Variants in SCG5 observed in about 807,000 individuals in gnomAD.
The protein encoded by SCG5 is neuroendocrine protein 7B2.
A neutral mutation model predicts 25.7 loss-of-function variants in SCG5; 18 were observed. The observed-to-expected ratio is 0.70, with a 90% confidence interval of 0.48 to 1.04. SCG5 has a LOEUF of 1.04. Among genes scored for constraint, SCG5 ranks in the 50% least tolerant of loss-of-function variants. SCG5 has a pLI of 0.00. For missense variants in SCG5, 206 were observed against 259.8 expected (o/e 0.79, Z 1.42); for synonymous variants, 101 against 91.7 (o/e 1.10, Z -0.58).
At position 32,641,765 on chromosome 15, in the gene SCG5, C is replaced by G. The variant is rs2053862819; in HGVS notation, c.-21C>G. The G allele has an allele frequency of 6.6e-6, 1 of 152,284 alleles. No individual in the cohort carries two copies. The highest frequency in any genetic ancestry group is 2.4e-5 in the African/African-American group (1 of 41,446). The allele number at this position is 152,284 out of a possible 1,614,324, so 9.4% of individuals were successfully genotyped here. On this transcript the variant is annotated 5_prime_UTR_variant, in exon 1 of 6. Transcript: ENST00000300175. ...AAGGCCCATACCGCAGTAGGCTCCT[C>G]GGGCTGCCCCTCGGTGAGTACAGTT...
intron 4 of SCG5, 101 bp from the exon 5 acceptor site, chr15:32,691,609 C>A: frequency 3.3e-6 from 3 of 895,604 alleles, no homozygotes; most frequent in South Asian, 3.1e-5. Context: ...TATGCGTATG[C>A]AAATATCTAG....
chr15:32,692,098 G>C, intron 5 of SCG5: 2 of 1,156,844 alleles, frequency 1.7e-6, no homozygotes, highest in Non-Finnish European at 2.1e-6. Context: ...CCCAGGGTCT[G>C]TAGGCCAGTG....
chr15:32,646,944 A>G (rs2053952028), intron 2 of SCG5, among the ~76,000 whole-genome samples: 3 of 152,210 alleles, frequency 2.0e-5, no homozygotes, highest in Admixed American at 6.5e-5. Context: ...ATTGTTACAG[A>G]AAGAATATAC....
intron 2 of SCG5, among the ~76,000 whole-genome samples, chr15:32,646,278 G>A (rs2053943175): frequency 6.6e-6 from 1 of 152,192 alleles, no homozygotes; most frequent in South Asian, 2.1e-4. Flanking sequence ...AGTTTGGTGC[G>A]GATTAGTGTT....
In SCG5 at chr15:32,672,676, A is replaced by G. The variant is rs185521077; in HGVS notation, c.227-7090A>G. 8.6e-4 allele frequency among the ~76,000 whole-genome samples: 131 copies of G among 152,294 alleles called. 1 individual carries two copies. The highest frequency in any genetic ancestry group is 3.1e-3 in the African/African-American group (128 of 41,572). On this transcript the variant is annotated intron_variant, in intron 2 of 5. Coordinates refer to ENST00000300175, the MANE Select transcript of SCG5 (RefSeq NM_001144757.3). ...TTTGGAAGACGGAAACGCACTGGAA[A>G]GGGTATGAATGGACGCAGAAGGCCT... is the stretch of plus-strand genomic sequence containing the variant.
rs374505131 is a variant in SCG5, at chr15:32,652,056, G to A, written c.226+8238G>A. Among the ~76,000 whole-genome samples, 10 of 152,300 alleles carry A rather than the reference G, an allele frequency of 6.6e-5. No individual in the cohort carries two copies. In the East Asian group the frequency reaches 1.2e-3, roughly 18 times the overall value. ...CCACAAAGGAAACTGGGATAAATCG[G>A]CCAGAAAGGAGAAGAACCAGAAAGA... On this transcript the variant is annotated intron_variant, in intron 2 of 5. Transcript: ENST00000300175.
rs1180993781 is a variant in SCG5 at position 32,696,864 on chromosome 15, TG to T, written c.*256del. 2.9e-6 allele frequency: 1 copy of T among 344,358 alleles called. No individual in the cohort carries two copies. Among genetic ancestry groups the T allele is most frequent in the African/African-American group, 2.1e-5 (1 of 47,758 alleles). The allele number at this position is 344,358 out of a possible 1,614,324, so 21.3% of individuals were successfully genotyped here. A position where few individuals can be genotyped will look rare whatever the true frequency, so the allele number is the denominator to read the frequency against. Reference sequence around the variant, plus strand: ...ATGATCATAAAAATTAAAATGTGAATGTCAACAATAAAAAGCAAGACTATGA... The same window carrying T: ...ATGATCATAAAAATTAAAATGTGAATTCAACAATAAAAAGCAAGACTATGA... On this transcript the variant is annotated 3_prime_UTR_variant, in exon 6 of 6. Transcript: ENST00000300175.
intron 2 of SCG5, chr15:32,677,742 T>C (rs2054554369): frequency 6.6e-6 from 1 of 152,176 alleles, no homozygotes; most frequent in South Asian, 2.1e-4. Flanking sequence ...CCTCATGGAG[T>C]TGGTAAGTAT....
chr15:32,667,986 C>T (rs1304571500), intron 2 of SCG5, among the ~76,000 whole-genome samples: 3 of 152,126 alleles, frequency 2.0e-5, no homozygotes, highest in East Asian at 1.9e-4. Context: ...ATTCTTAATA[C>T]CTATTGCCAG....
chr15:32,667,913 G>A (rs753465836), intron 2 of SCG5, among the ~76,000 whole-genome samples: 1 of 152,150 alleles, frequency 6.6e-6, no homozygotes, highest in African/African-American at 2.4e-5. Context: ...GACCTCAAGT[G>A]ATCCACCCGC....
chr15:32,648,793 A>T (rs1460292563), intron 2 of SCG5, among the ~76,000 whole-genome samples: 1 of 147,582 alleles, frequency 6.8e-6, no homozygotes, highest in Admixed American at 6.7e-5. Context: ...TAAAAAAAAA[A>T]CAGAGTCTCA....
intron 3 of SCG5, among the ~76,000 whole-genome samples, chr15:32,681,349 G>A (rs536217940): frequency 6.6e-6 from 1 of 152,182 alleles, no homozygotes; most frequent in Non-Finnish European, 1.5e-5. Flanking sequence ...AGGTTATCCA[G>A]GTAACAAGTA....
chr15:32,694,790 C>T (rs182932377), intron 5 of SCG5, among the ~76,000 whole-genome samples: 6 of 152,346 alleles, frequency 3.9e-5, no homozygotes, highest in Admixed American at 2.6e-4. Flanking sequence ...GGACCTTTCA[C>T]GATTCATGCG....
At chr15:32,684,714 C>G in intron 4 of SCG5, 45 bp downstream of exon 4, 1 of 1,239,778 alleles carries the variant, frequency 8.1e-7, no homozygotes, top group South Asian at 1.3e-5. Context: ...CTTTGGTACT[C>G]TGAAGGTGCT....
Position 32,643,605 on chromosome 15 carries a change from A to T in SCG5, c.13A>T (p.Met5Leu), listed in dbSNP as rs780286582. The change falls in exon 2 of 6, where the codon ATG becomes TTG. Residue 5 changes from methionine (M) to leucine (L), a missense_variant. Physicochemically the swap from Met to Leu is conservative, Grantham distance 15. Coordinates refer to ENST00000300175, the MANE Select transcript of SCG5 (RefSeq NM_001144757.3). ...CTGCAGGTTGACAATGGTCTCCAGG[A>T]TGGTCTCTACCATGCTATCTGGCCT... MVSR[M>L]VSTMLSGLLF... 1 of 1,613,680 alleles carries T rather than the reference A, an allele frequency of 6.2e-7. No homozygotes were observed.
At chr15:32,683,960 A>G (rs999288804) in intron 3 of SCG5, among the ~76,000 whole-genome samples, 1 of 152,262 alleles carries the variant, frequency 6.6e-6, no homozygotes, top group Admixed American at 6.5e-5. Flanking sequence ...CTTGTAACAA[A>G]TAAAAACATT....
At chr15:32,663,974 G>A (rs11632232) in intron 2 of SCG5, among the ~76,000 whole-genome samples, 11 of 147,812 alleles carry the variant, frequency 7.4e-5, no homozygotes, top group South Asian at 2.3e-4. Context: ...CCTTGTTTAC[G>A]GTTTAGCTGG....
intron 4 of SCG5, among the ~76,000 whole-genome samples, chr15:32,684,917 C>T (rs2054678906): frequency 6.6e-6 from 1 of 152,168 alleles, no homozygotes; most frequent in Non-Finnish European, 1.5e-5. Flanking sequence ...CCAGAGTCTT[C>T]TACTCTGGTC....
chr15:32,677,154 A>G (rs2054545240), intron 2 of SCG5, among the ~76,000 whole-genome samples: 3 of 152,208 alleles, frequency 2.0e-5, no homozygotes, highest in Admixed American at 1.3e-4. Context: ...AGTTTCTCTC[A>G]TTACAAAGCA....
Sources: gnomAD v4.1 joint callset for allele counts (sites outside exome capture counted in the v4.1 genomes callset) on GRCh38, gnomAD v4.1.1 for gene constraint, MANE v1.5 for transcripts, NCBI Gene and HGNC (gene_info 2026-07-23, HGNC 2026-07-21) for gene names.